TNNI3K: variants seen among roughly 807,000 people sequenced by gnomAD.
TNNI3K encodes serine/threonine-protein kinase TNNI3K.
A neutral mutation model predicts 114.5 loss-of-function variants in TNNI3K; 140 were observed. The observed-to-expected ratio is 1.22, with a 90% CI of 1.07 to 1.41. The LOEUF is 1.41. Among genes scored for constraint, TNNI3K ranks in the 40% most tolerant of loss-of-function variants. The probability of loss-of-function intolerance (pLI) is 0.00; values close to 1 mark genes in which losing one functional copy is unlikely to be tolerated. For missense variants in TNNI3K, 1,125 were observed against 1,007.6 expected (o/e 1.12, Z -1.58); for synonymous variants, 347 against 347.5 (o/e 1.00, Z 0.02).
chr1:74,401,388 C>T (rs1252132990), intron 17 of TNNI3K, among the ~76,000 whole-genome samples: 1 of 151,880 alleles, frequency 6.6e-6, no homozygotes, highest in African/African-American at 2.4e-5. Flanking sequence ...TAATTCAGAC[C>T]ATTGTTATTT....
intron 17 of TNNI3K, among the ~76,000 whole-genome samples, chr1:74,402,540 A>G (rs1037363564): frequency 2.6e-5 from 4 of 152,260 alleles, no homozygotes; most frequent in African/African-American, 9.6e-5. Context: ...ATGTGATTCC[A>G]TGGATTAGAC....
intron 23 of TNNI3K, among the ~76,000 whole-genome samples, chr1:74,506,015 G>A (rs1407260312): frequency 1.3e-5 from 2 of 152,142 alleles, no homozygotes; most frequent in East Asian, 1.9e-4. Flanking sequence ...GCCTTCATCA[G>A]TCTCTTATTT....
chr1:74,303,362 G>A (rs1427521759), intron 5 of TNNI3K, among the ~76,000 whole-genome samples: 1 of 151,792 alleles, frequency 6.6e-6, no homozygotes, highest in Non-Finnish European at 1.5e-5. Context: ...ACAGGGTTTC[G>A]CTATGTTGGC....
chr1:74,343,008 A>G (rs1254996471), intron 8 of TNNI3K, 22 bp downstream of exon 8: 1 of 1,613,738 alleles, frequency 6.2e-7, no homozygotes, highest in Admixed American at 1.7e-5. Flanking sequence ...GTAGCATTCC[A>G]TAGGTTCTCC....
At chr1:74,525,929 C>T (rs1646498861) in intron 23 of TNNI3K, among the ~76,000 whole-genome samples, 2 of 152,128 alleles carry the variant, frequency 1.3e-5, no homozygotes, top group Non-Finnish European at 2.9e-5. Flanking sequence ...ACCCCAGCTA[C>T]ATAATATCAT....
At chr1:74,302,859 C>A (rs1032666079) in intron 5 of TNNI3K, among the ~76,000 whole-genome samples, 1 of 152,080 alleles carries the variant, frequency 6.6e-6, no homozygotes, top group Non-Finnish European at 1.5e-5. Flanking sequence ...ATATTGAAGA[C>A]CTGGTTAAGA....
chr1:74,464,737 A>G lies in TNNI3K; in HGVS notation c.2121+1187A>G, dbSNP rs1296821239. On this transcript the variant is annotated intron_variant, in intron 21 of 24. Coordinates refer to ENST00000326637, the MANE Select transcript of TNNI3K (RefSeq NM_015978.3). ...TGGGATGTGGATTGAGTATCTCAGA[A>G]GATAACCTCTTATCCTGGCCATTCA... 42 of 1,576,612 alleles carry G rather than the reference A, an allele frequency of 2.7e-5. No individual in the cohort carries two copies. In the Admixed American group the frequency reaches 7.7e-4, roughly 29 times the overall value.
intron 7 of TNNI3K, among the ~76,000 whole-genome samples, chr1:74,340,933 AG>A (rs1316171568): frequency 2.0e-5 from 3 of 152,166 alleles, no homozygotes; most frequent in African/African-American, 7.2e-5. Flanking sequence ...AAAGATTCAA[AG>A]GTTTGTTTGT....
At chr1:74,238,855 T>A (rs1180853829) in intron 2 of TNNI3K, among the ~76,000 whole-genome samples, 1 of 152,058 alleles carries the variant, frequency 6.6e-6, no homozygotes, top group Non-Finnish European at 1.5e-5. Flanking sequence ...GGGCCTCTTA[T>A]GTTAATGGAG....
At chr1:74,390,421 A>AT (rs1254083947) in intron 17 of TNNI3K, among the ~76,000 whole-genome samples, 1 of 152,178 alleles carries the variant, frequency 6.6e-6, no homozygotes, top group Non-Finnish European at 1.5e-5. Flanking sequence ...TACAGGAGTG[A>AT]ATATTGTCAG....
At chr1:74,475,523 A>T in intron 21 of TNNI3K, 1 of 716,916 alleles carries the variant, frequency 1.4e-6, no homozygotes, top group Non-Finnish European at 2.6e-6. Flanking sequence ...TTTCTAAATG[A>T]TCCGTCAAGG....
chr1:74,322,832 T>G (rs45560436), intron 5 of TNNI3K, among the ~76,000 whole-genome samples: 2,287 of 152,196 alleles, frequency 0.015, 49 homozygotes, highest in African/African-American at 0.05. Context: ...TTTATTCTTA[T>G]CTCTTAAAAA....
intron 17 of TNNI3K, chr1:74,418,263 G>C: frequency 2.3e-6 from 1 of 427,312 alleles, no homozygotes; most frequent in South Asian, 1.7e-5. Context: ...AAGAAAGAAG[G>C]CATCTCAGTT....
intron 23 of TNNI3K, among the ~76,000 whole-genome samples, chr1:74,502,418 A>G (rs1669679570): frequency 6.6e-6 from 1 of 152,216 alleles, no homozygotes; most frequent in East Asian, 1.9e-4. Flanking sequence ...CAGAAACTCA[A>G]ATAATGTAAG....
At chr1:74,439,191 G>A in intron 19 of TNNI3K, 2 of 245,122 alleles carry the variant, frequency 8.2e-6, no homozygotes, top group East Asian at 8.2e-5. Context: ...TGTATAAGAG[G>A]CAGACTTACT....
chr1:74,528,055 G>C (rs188004070), intron 23 of TNNI3K, among the ~76,000 whole-genome samples: 3 of 152,274 alleles, frequency 2.0e-5, no homozygotes, highest in African/African-American at 7.2e-5. Context: ...GATCAGAATC[G>C]AAGCCCAGGA....
intron 21 of TNNI3K, among the ~76,000 whole-genome samples, chr1:74,481,649 A>T (rs769385475): frequency 6.6e-6 from 1 of 152,230 alleles, no homozygotes; most frequent in Non-Finnish European, 1.5e-5. Context: ...TCATGTGATG[A>T]CAGGTGGTAC....
rs991458153 is a variant in TNNI3K at position 74,470,468 on chromosome 1, T to G, written c.2121+6918T>G. 74 of 400,588 alleles carry G rather than the reference T, an allele frequency of 1.8e-4. 1 individual carries two copies. The Admixed American group carries it at 2.6e-3, about 14-fold the overall frequency. 24.8% of individuals were successfully genotyped at this position (400,588 alleles called of 1,614,324 possible). A position where few individuals can be genotyped will look rare whatever the true frequency, so the allele number is the denominator to read the frequency against. ...TCAATTCCTTTTTCGCTACTATTGGTTAGGTGCCAAACGGCTTGACTACTA... is the reference window on the plus strand; with the variant it reads ...TCAATTCCTTTTTCGCTACTATTGGGTAGGTGCCAAACGGCTTGACTACTA... On this transcript the variant is annotated intron_variant, in intron 21 of 24. Transcript: ENST00000326637.
chr1:74,323,313 T>C (rs998115021), intron 5 of TNNI3K, among the ~76,000 whole-genome samples: 2 of 152,192 alleles, frequency 1.3e-5, no homozygotes, highest in African/African-American at 4.8e-5. Context: ...AGTTTAAACT[T>C]AAGTGTTTTT....
Sources: gnomAD v4.1 joint callset for allele counts (sites outside exome capture counted in the v4.1 genomes callset) on GRCh38, gnomAD v4.1.1 for gene constraint, MANE v1.5 for transcripts, NCBI Gene and HGNC (gene_info 2026-07-23, HGNC 2026-07-21) for gene names.